The following DNAH9 variants were observed in gnomAD, a reference collection of about 807,000 sequenced individuals.
DNAH9 encodes dynein axonemal heavy chain 9, also known as DNAH9 variant protein.
In DNAH9, 345 loss-of-function variants were observed where a neutral mutation model predicts 471.6. The ratio of observed to expected loss-of-function variants is 0.73; its 90% CI spans 0.67 to 0.80. The LOEUF is 0.80. DNAH9 is among the 30% of genes least tolerant of loss of function. The probability of loss-of-function intolerance (pLI) is 0.00; values close to 1 mark genes in which losing one functional copy is unlikely to be tolerated. For missense variants in DNAH9, 5,407 were observed against 5,609.2 expected (o/e 0.96, Z 1.15); for synonymous variants, 2,093 against 2,123.6 (o/e 0.99, Z 0.40).
At chr17:11,701,408 G>T (rs1009946491) in intron 24 of DNAH9, among the ~76,000 whole-genome samples, 161 bp downstream of exon 24, 1 of 152,188 alleles carries the variant, frequency 6.6e-6, no homozygotes, top group Non-Finnish European at 1.5e-5. Flanking sequence ...GGTGGGAGCA[G>T]GGGGATTAAC....
chr17:11,632,291 G>A (rs184169977), intron 7 of DNAH9, among the ~76,000 whole-genome samples: 184 of 152,208 alleles, frequency 1.2e-3, no homozygotes, highest in African/African-American at 4.1e-3. Context: ...CTGGTGTTAT[G>A]AGTGAGAGAG....
intron 35 of DNAH9, 124 bp from the exon 36 acceptor site, chr17:11,763,316 G>C: frequency 1.2e-6 from 1 of 822,370 alleles, no homozygotes; most frequent in Non-Finnish European, 2.0e-6. Context: ...CTGGTTGTCT[G>C]TAATCCCAAA....
At chr17:11,798,623 T>TA (rs1969343966) in intron 43 of DNAH9, among the ~76,000 whole-genome samples, 2 of 152,056 alleles carry the variant, frequency 1.3e-5, no homozygotes, top group African/African-American at 4.8e-5. Context: ...CCCTGCTTCT[T>TA]ACATTTCCCA....
rs1352883715 is a variant in DNAH9 at position 11,626,137 on chromosome 17, T to C, written c.1351-3280T>C. On this transcript the variant is annotated intron_variant, in intron 6 of 68. Transcript: ENST00000262442. The surrounding 1 kb of genome is among the most constrained non-coding windows in gnomAD (Gnocchi z 4.3). Reference sequence around the variant, plus strand: ...CCTAGGCTCTTTCCACAATGCCATATGTTGTGTCTCTGAAGTGGATATTTC... The same window carrying C: ...CCTAGGCTCTTTCCACAATGCCATACGTTGTGTCTCTGAAGTGGATATTTC... Among the ~76,000 whole-genome samples the C allele has an allele frequency of 1.3e-5, 2 of 152,228 alleles. No homozygotes were observed. The highest frequency in any genetic ancestry group is 1.9e-4 in the East Asian group (1 of 5,198).
intron 24 of DNAH9, among the ~76,000 whole-genome samples, chr17:11,702,166 G>T (rs915046412): frequency 5.9e-5 from 9 of 152,224 alleles, no homozygotes; most frequent in African/African-American, 1.7e-4. Flanking sequence ...AGAAGACAGG[G>T]TGAGCAGGTG....
intron 61 of DNAH9, among the ~76,000 whole-genome samples, chr17:11,911,050 A>G (rs1179352728): frequency 6.6e-6 from 1 of 152,168 alleles, no homozygotes; most frequent in Non-Finnish European, 1.5e-5. Context: ...GTTAAAATAC[A>G]ATTTATCTAT....
chr17:11,617,882 A>C (rs552195510), intron 5 of DNAH9, among the ~76,000 whole-genome samples: 1 of 152,188 alleles, frequency 6.6e-6, no homozygotes, highest in South Asian at 2.1e-4. Flanking sequence ...GTGAATTTCA[A>C]CCTCCTTAAT....
intron 57 of DNAH9, 58 bp from the exon 58 acceptor site, chr17:11,891,719 C>T: frequency 6.4e-7 from 1 of 1,560,622 alleles, no homozygotes. Flanking sequence ...CAGGTAAGAC[C>T]ACTAGTGTAT....
chr17:11,719,512 T>C, intron 27 of DNAH9, 22 bp downstream of exon 27: 1 of 1,474,590 alleles, frequency 6.8e-7, no homozygotes, highest in South Asian at 1.3e-5. Context: ...CCCGGCTTCC[T>C]GGGGGTGGGG....
chr17:11,746,875 A>G (rs1966902002), intron 31 of DNAH9, among the ~76,000 whole-genome samples: 1 of 152,168 alleles, frequency 6.6e-6, no homozygotes, highest in African/African-American at 2.4e-5. Flanking sequence ...CTTTTTGAGT[A>G]AGTTACTTGA....
chr17:11,807,401 G>C (rs1231177172), intron 43 of DNAH9, among the ~76,000 whole-genome samples: 1 of 152,076 alleles, frequency 6.6e-6, no homozygotes, highest in Non-Finnish European at 1.5e-5. Flanking sequence ...GGTGTGGCAG[G>C]GTCAGTTATG....
intron 10 of DNAH9, among the ~76,000 whole-genome samples, chr17:11,643,365 T>G (rs1457484647): frequency 3.9e-5 from 6 of 152,160 alleles, no homozygotes; most frequent in Non-Finnish European, 8.8e-5. Context: ...TGTAAAAACG[T>G]GAAGAAGTGG....
At chr17:11,693,288 A>C (rs2074368103) in intron 20 of DNAH9, among the ~76,000 whole-genome samples, 1 of 118,704 alleles carries the variant, frequency 8.4e-6, no homozygotes, top group Non-Finnish European at 1.6e-5. Flanking sequence ...TCTGTCGTCC[A>C]GGCTGGAGTA....
chr17:11,903,593 T>C (rs1361829317), intron 60 of DNAH9, among the ~76,000 whole-genome samples: 1 of 151,982 alleles, frequency 6.6e-6, no homozygotes, highest in African/African-American at 2.4e-5. Flanking sequence ...AAAGGAGTGA[T>C]TAGAGTAAGG....
chr17:11,905,810 G>A lies in DNAH9; in HGVS notation c.11749+1G>A. The A allele has an allele frequency of 6.2e-7, 1 of 1,600,126 alleles. No individual in the cohort carries two copies. The highest frequency in any genetic ancestry group is 8.5e-7 in the Non-Finnish European group (1 of 1,171,382). On this transcript the variant is annotated splice_donor_variant, in intron 61 of 68. Transcript: ENST00000262442. LOFTEE classifies it high-confidence loss of function. Reference sequence around the variant, plus strand: ...CCACTGAAGGATGTAGAAAGTCAAGGTGAGAAAGGCGTCCTCTTGGAGCCA... The same window carrying A: ...CCACTGAAGGATGTAGAAAGTCAAGATGAGAAAGGCGTCCTCTTGGAGCCA...
chr17:11,735,261 C>A (rs2075326556), intron 28 of DNAH9, among the ~76,000 whole-genome samples: 1 of 152,056 alleles, frequency 6.6e-6, no homozygotes, highest in Admixed American at 6.5e-5. Flanking sequence ...GAGCAGCAAC[C>A]CTGGCCTCTA....
At chr17:11,715,902 C>T (rs78875403) in intron 26 of DNAH9, among the ~76,000 whole-genome samples, 3,805 of 152,074 alleles carry the variant, frequency 0.025, 155 homozygotes, top group African/African-American at 0.085. Flanking sequence ...CACTCGCAAG[C>T]AGGAGCACAT....
At chr17:11,658,059 G>T (rs1403415120) in intron 14 of DNAH9, among the ~76,000 whole-genome samples, 2 of 152,024 alleles carry the variant, frequency 1.3e-5, no homozygotes, top group Non-Finnish European at 2.9e-5. Context: ...GGGGAAAAAG[G>T]CTAGATGTGA....
intron 31 of DNAH9, among the ~76,000 whole-genome samples, chr17:11,746,533 T>C (rs1043743572): frequency 1.3e-4 from 20 of 152,238 alleles, no homozygotes; most frequent in Non-Finnish European, 2.6e-4. Flanking sequence ...CCATCAGATC[T>C]CGTGAGAACT....
Sources: allele counts gnomAD v4.1 joint callset (sites outside exome capture counted in the v4.1 genomes callset), GRCh38; gene constraint gnomAD v4.1.1; non-coding constraint Gnocchi (gnomAD v3.1); transcripts MANE v1.5; gene names NCBI Gene and HGNC (gene_info 2026-07-23, HGNC 2026-07-21).